The following PBX3 variants were observed in gnomAD, a reference collection of about 807,000 sequenced individuals.
The protein encoded by PBX3 is pre-B-cell leukemia transcription factor 3.
A neutral mutation model predicts 48.5 loss-of-function variants in PBX3; 14 were observed. The ratio of observed to expected loss-of-function variants is 0.29; its 90% CI spans 0.19 to 0.45. The LOEUF is 0.45. Among genes scored for constraint, PBX3 ranks in the 20% least tolerant of loss-of-function variants. The pLI, the probability that PBX3 is intolerant of heterozygous loss-of-function variation, is 1.00. For missense variants in PBX3, 386 were observed against 546.7 expected, an observed-to-expected ratio of 0.71 and a Z score of 2.93; for synonymous variants, 210 against 200.3, an observed-to-expected ratio of 1.05 and a Z score of -0.41.
chr9:125,893,662 C>T (rs1840703579), intron 2 of PBX3, among the ~76,000 whole-genome samples: 1 of 152,316 alleles, frequency 6.6e-6, no homozygotes, highest in Middle Eastern at 3.4e-3. Flanking sequence ...TATGTATACT[C>T]TGGCTCTGTC....
chr9:125,949,287 G>C, intron 5 of PBX3: 1 of 1,486,268 alleles, frequency 6.7e-7, no homozygotes, highest in Non-Finnish European at 9.1e-7. Flanking sequence ...CATGTATGAA[G>C]AGTGCCTAGT....
At chr9:125,779,888 G>A (rs1837199758) in intron 2 of PBX3, among the ~76,000 whole-genome samples, 3 of 131,550 alleles carry the variant, frequency 2.3e-5, no homozygotes, top group South Asian at 5.1e-4. Context: ...CGGGCGGGGG[G>A]CTGACCCCCC....
chr9:125,939,182 G>T (rs891873355), intron 5 of PBX3, among the ~76,000 whole-genome samples: 2 of 151,960 alleles, frequency 1.3e-5, no homozygotes, highest in African/African-American at 4.8e-5. Context: ...AACAGTCCAC[G>T]CACTGCAAGA....
At chr9:125,854,704 A>G (rs909222924) in intron 2 of PBX3, among the ~76,000 whole-genome samples, 1 of 152,186 alleles carries the variant, frequency 6.6e-6, no homozygotes, top group Non-Finnish European at 1.5e-5. Flanking sequence ...CCCCATTTTC[A>G]TAGTCATATT....
intron 2 of PBX3, among the ~76,000 whole-genome samples, chr9:125,899,574 G>A (rs958485374): frequency 8.7e-5 from 13 of 149,990 alleles, no homozygotes; most frequent in Non-Finnish European, 1.9e-4. Flanking sequence ...GCTTCAAAAT[G>A]CAGTTGATAG....
chr9:125,877,067 G>C (rs115492817), intron 2 of PBX3, among the ~76,000 whole-genome samples: 6,147 of 152,038 alleles, frequency 0.04, 314 homozygotes, highest in East Asian at 0.17. Flanking sequence ...CCACCGTGCC[G>C]GGCACATGTA....
chr9:125,761,554 A>G (rs970458577), intron 2 of PBX3, among the ~76,000 whole-genome samples: 2 of 152,082 alleles, frequency 1.3e-5, no homozygotes, highest in African/African-American at 4.8e-5. Context: ...GTCATGATGC[A>G]TGTCTCCGTA....
At chr9:125,798,021 A>G (rs542184755) in intron 2 of PBX3, among the ~76,000 whole-genome samples, 1 of 152,174 alleles carries the variant, frequency 6.6e-6, no homozygotes, top group Admixed American at 6.5e-5. Context: ...ACAGATTTCA[A>G]TGTGGCTTTT....
At chr9:125,761,101 A>G (rs1411844497) in intron 2 of PBX3, among the ~76,000 whole-genome samples, 9 of 152,178 alleles carry the variant, frequency 5.9e-5, no homozygotes, top group Non-Finnish European at 1.3e-4. Context: ...AGGAGATGCA[A>G]ATGTAACTGG....
chr9:125,779,269 AT>A (rs1460378350), intron 2 of PBX3, among the ~76,000 whole-genome samples: 1 of 97,276 alleles, frequency 1.0e-5, no homozygotes, highest in East Asian at 2.9e-4. Flanking sequence ...TTTAATTTTT[AT>A]TTTTTTTATT....
In PBX3 at chr9:125,934,343, T is replaced by C. The variant is rs1300552210; in HGVS notation, c.708-1129T>C. ...GCCTACTGACTCTGTGTTTTCTGAC[T>C]GTGGGATATCACAATTGAGAAGAAT... On this transcript the variant is annotated intron_variant, in intron 4 of 8. Coordinates refer to ENST00000373489, the MANE Select transcript of PBX3 (RefSeq NM_006195.6). 2.0e-5 allele frequency among the ~76,000 whole-genome samples: 3 copies of C among 152,320 alleles called. No homozygotes were observed. The East Asian group carries it at 5.8e-4, about 29-fold the overall frequency.
intron 2 of PBX3, among the ~76,000 whole-genome samples, chr9:125,761,315 G>A (rs930780893): frequency 2.6e-5 from 4 of 151,260 alleles, no homozygotes; most frequent in Non-Finnish European, 5.9e-5. Context: ...GTGATCTATT[G>A]CATTTGAAAA....
chr9:125,908,573 T>TGAG (rs10651000), intron 2 of PBX3, among the ~76,000 whole-genome samples: 111,083 of 151,524 alleles, frequency 0.73, 41,128 homozygotes, highest in African/African-American at 0.81. Flanking sequence ...CATTTTCTGG[T>TGAG]GAGATCCCAG....
At chr9:125,793,596 A>G (rs1837687627) in intron 2 of PBX3, among the ~76,000 whole-genome samples, 1 of 151,216 alleles carries the variant, frequency 6.6e-6, no homozygotes, top group Non-Finnish European at 1.5e-5. Flanking sequence ...CACGCAGCTA[A>G]TTTTCATACT....
intron 2 of PBX3, among the ~76,000 whole-genome samples, chr9:125,876,168 C>T (rs1206676427): frequency 6.6e-6 from 1 of 152,202 alleles, no homozygotes; most frequent in Non-Finnish European, 1.5e-5. Context: ...CCTTCCTCCT[C>T]TAAATCATAA....
At chr9:125,958,314 C>T (rs1588341559) in intron 5 of PBX3, among the ~76,000 whole-genome samples, 1 of 152,186 alleles carries the variant, frequency 6.6e-6, no homozygotes, top group Non-Finnish European at 1.5e-5. Flanking sequence ...CTCATGGCTT[C>T]CTCGCTTATA....
chr9:125,898,455 A>AT lies in PBX3; in HGVS notation c.275-17231_275-17230insT, dbSNP rs1554725706. On this transcript the variant is annotated intron_variant, in intron 2 of 8. Coordinates refer to ENST00000373489, the MANE Select transcript of PBX3 (RefSeq NM_006195.6). ...TAGCAGGACCCCATCTTCTGAAAAA[A>AT]AAAAATAAAAAAAAGGGCCTTTTGA... Among the ~76,000 whole-genome samples the AT allele has an allele frequency of 8.9e-4, 134 of 150,980 alleles. 1 individual carries two copies. The highest frequency in any genetic ancestry group is 3.0e-3 in the African/African-American group (125 of 41,256).
rs944657205 is a variant in PBX3, at chr9:125,938,233, T to C, written c.843+2626T>C. 7.9e-5 allele frequency among the ~76,000 whole-genome samples: 12 copies of C among 152,282 alleles called. 1 individual carries two copies. The East Asian group carries it at 2.3e-3, about 29-fold the overall frequency. On this transcript the variant is annotated intron_variant, in intron 5 of 8. Coordinates refer to ENST00000373489, the MANE Select transcript of PBX3 (RefSeq NM_006195.6). ...TTAGTGCTGTGAGGGCAGGCTAGAATTCCTTAAACAGGACATAAAATGTGT... is the reference window on the plus strand; with the variant it reads ...TTAGTGCTGTGAGGGCAGGCTAGAACTCCTTAAACAGGACATAAAATGTGT...
intron 2 of PBX3, among the ~76,000 whole-genome samples, chr9:125,793,164 A>G (rs1351637052): frequency 6.6e-6 from 1 of 150,796 alleles, no homozygotes; most frequent in Non-Finnish European, 1.5e-5. Context: ...CATCCTGGCT[A>G]ACACGGTGGA....
Sources: allele counts gnomAD v4.1 joint callset (sites outside exome capture counted in the v4.1 genomes callset), GRCh38; gene constraint gnomAD v4.1.1; transcripts MANE v1.5; gene names NCBI Gene and HGNC (gene_info 2026-07-23, HGNC 2026-07-21).